The following FNDC3B variants were observed in gnomAD, a reference collection of about 807,000 sequenced individuals.
FNDC3B encodes the protein fibronectin type III domain containing 3B.
In FNDC3B, 12 loss-of-function variants were observed where a neutral mutation model predicts 151.5. The observed-to-expected ratio is 0.08, with a 90% CI of 0.05 to 0.13. The LOEUF (loss-of-function observed/expected upper bound fraction) is 0.13, where lower values mean the gene tolerates loss of function less well. Ranked by LOEUF, FNDC3B falls within the 10% of genes least tolerant of loss-of-function variation. The probability of loss-of-function intolerance (pLI) is 1.00; values close to 1 mark genes in which losing one functional copy is unlikely to be tolerated. For synonymous variants in FNDC3B, 528 were observed against 549.0 expected (o/e 0.96, Z 0.54); for missense variants, 1,214 against 1,505.3 (o/e 0.81, Z 3.20).
intron 20 of FNDC3B, 41 bp from the exon 21 acceptor site, chr3:172,347,171 C>A: frequency 6.4e-7 from 1 of 1,574,092 alleles, no homozygotes; most frequent in Non-Finnish European, 8.7e-7. Flanking sequence ...GGATTCTCTT[C>A]TCAGTGGCAT....
chr3:172,219,163 G>C (rs539421762), intron 3 of FNDC3B, among the ~76,000 whole-genome samples: 2 of 152,188 alleles, frequency 1.3e-5, no homozygotes, highest in South Asian at 2.1e-4. Context: ...AATTACTAAC[G>C]TTTCCACAAG....
intron 16 of FNDC3B, among the ~76,000 whole-genome samples, chr3:172,338,709 C>G (rs531553079): frequency 1.3e-5 from 2 of 152,172 alleles, no homozygotes; most frequent in Non-Finnish European, 2.9e-5. Flanking sequence ...AATAATCTCT[C>G]TAACTATTAA....
At chr3:172,111,824 G>A (rs1719984615) in intron 1 of FNDC3B, among the ~76,000 whole-genome samples, 1 of 152,144 alleles carries the variant, frequency 6.6e-6, no homozygotes, top group Non-Finnish European at 1.5e-5. Flanking sequence ...AAATTTTGGG[G>A]ACTCTATTAT....
chr3:172,270,981 T>C (rs1729175240), intron 6 of FNDC3B, among the ~76,000 whole-genome samples: 1 of 152,212 alleles, frequency 6.6e-6, no homozygotes, highest in South Asian at 2.1e-4. Context: ...CAGGTAAGAA[T>C]TCTATGGTAA....
intron 2 of FNDC3B, among the ~76,000 whole-genome samples, chr3:172,117,240 G>A (rs1450852331): frequency 1.3e-5 from 2 of 152,070 alleles, no homozygotes; most frequent in Non-Finnish European, 2.9e-5. Flanking sequence ...CCCTTAATAT[G>A]CCTAATTGTA....
At chr3:172,112,952 C>T (rs1041392593) in intron 2 of FNDC3B, among the ~76,000 whole-genome samples, 2 of 152,216 alleles carry the variant, frequency 1.3e-5, no homozygotes, top group Non-Finnish European at 2.9e-5. Context: ...TTTGGCTTCA[C>T]ACAGGAGTGA....
chr3:172,166,374 T>C (rs1020167168), intron 3 of FNDC3B, among the ~76,000 whole-genome samples: 5 of 152,326 alleles, frequency 3.3e-5, no homozygotes, highest in Non-Finnish European at 7.4e-5. Context: ...TTCACAGGAT[T>C]GTGTGAGACC....
intron 3 of FNDC3B, among the ~76,000 whole-genome samples, chr3:172,204,803 T>C (rs771894762): frequency 6.6e-6 from 1 of 152,226 alleles, no homozygotes; most frequent in South Asian, 2.1e-4. Flanking sequence ...TGGCATTCCT[T>C]GCAATTACCC....
At chr3:172,304,035 C>G (rs955372216) in intron 9 of FNDC3B, among the ~76,000 whole-genome samples, 3 of 152,208 alleles carry the variant, frequency 2.0e-5, no homozygotes, top group Admixed American at 6.5e-5. Context: ...CTCCATCTGG[C>G]CCATACAACT....
At chr3:172,293,094 G>T (rs968920131) in intron 7 of FNDC3B, among the ~76,000 whole-genome samples, 2 of 152,172 alleles carry the variant, frequency 1.3e-5, no homozygotes, top group East Asian at 1.9e-4. Flanking sequence ...ACAGGTTGGG[G>T]CTCCTCGAGG....
intron 3 of FNDC3B, among the ~76,000 whole-genome samples, chr3:172,168,076 T>G (rs1723096998): frequency 6.6e-6 from 1 of 152,262 alleles, no homozygotes; most frequent in African/African-American, 2.4e-5. Context: ...CAGAACATGC[T>G]GATGCTGATG....
intron 9 of FNDC3B, 97 bp downstream of exon 9, chr3:172,298,884 C>A: frequency 1.2e-6 from 1 of 807,640 alleles, no homozygotes; most frequent in Non-Finnish European, 2.0e-6. Flanking sequence ...ATGTTGCTTA[C>A]CTTGCTGAAA....
intron 23 of FNDC3B, among the ~76,000 whole-genome samples, chr3:172,373,019 G>A (rs1034089748): frequency 1.5e-4 from 23 of 152,156 alleles, no homozygotes; most frequent in Non-Finnish European, 3.2e-4. Flanking sequence ...TTCCTCCACC[G>A]ACAGTGTCAG....
chr3:172,236,286 A>G (rs1382168761), intron 4 of FNDC3B, among the ~76,000 whole-genome samples: 1 of 152,148 alleles, frequency 6.6e-6, no homozygotes, highest in African/African-American at 2.4e-5. Context: ...ATCAAGTGTG[A>G]AAGAAGTGGA....
At position 172,397,348 on chromosome 3, in the gene FNDC3B, G is replaced by A; in HGVS notation, c.3488G>A (p.Ser1163Asn). The A allele has an allele frequency of 6.2e-7, 1 of 1,614,150 alleles. No homozygotes were observed. The highest frequency in any genetic ancestry group is 8.5e-7 in the Non-Finnish European group (1 of 1,179,976). Residue 1163 changes from serine to asparagine, a missense_variant, in exon 26 of 26, where the codon AGC (serine) becomes AAC (asparagine). This residue lies in a region of FNDC3B where 284 missense variants were observed against 392.4 expected (regional missense o/e 0.72). Transcript: ENST00000415807. ...SEVMLTGDMG[S>N]LDDPKMKSMM... Reference sequence around the variant, plus strand: ...GTCATGCTTACAGGGGACATGGGGAGCTTAGATGATCCCAAAATGAAGAGC... The same window carrying A: ...GTCATGCTTACAGGGGACATGGGGAACTTAGATGATCCCAAAATGAAGAGC...
At chr3:172,293,483 T>G (rs1388218122) in intron 7 of FNDC3B, among the ~76,000 whole-genome samples, 1 of 152,206 alleles carries the variant, frequency 6.6e-6, no homozygotes, top group Non-Finnish European at 1.5e-5. Flanking sequence ...CAACAAACAT[T>G]TACTAAGCAA....
intron 1 of FNDC3B, among the ~76,000 whole-genome samples, 168 bp from the exon 2 acceptor site, chr3:172,112,284 G>A (rs977437585): frequency 3.9e-5 from 6 of 152,174 alleles, no homozygotes; most frequent in Admixed American, 6.5e-5. Context: ...GGCTATTTCC[G>A]TGCCTTTGTT....
chr3:172,353,159 A>T, intron 22 of FNDC3B, 76 bp downstream of exon 22: 1 of 1,385,756 alleles, frequency 7.2e-7, no homozygotes, highest in Non-Finnish European at 9.9e-7. Flanking sequence ...GGGGAAAATG[A>T]CCAAGTGGAT....
chr3:172,047,336 G>A (rs146764480), intron 1 of FNDC3B, among the ~76,000 whole-genome samples: 98 of 152,230 alleles, frequency 6.4e-4, no homozygotes, highest in African/African-American at 2.2e-3. Context: ...TAAAAATAAC[G>A]CCATTGTTCT....
Sources: allele counts gnomAD v4.1 joint callset (sites outside exome capture counted in the v4.1 genomes callset), GRCh38; gene constraint gnomAD v4.1.1; regional missense constraint gnomAD v4.1.1; transcripts MANE v1.5; gene names NCBI Gene and HGNC (gene_info 2026-07-23, HGNC 2026-07-21).